DDX52: variants seen among roughly 807,000 people sequenced by gnomAD.
DDX52 encodes the protein probable ATP-dependent RNA helicase DDX52.
Under a neutral mutation model 76.1 loss-of-function variants are expected in DDX52, and 59 were observed. That is an observed-to-expected ratio of 0.78 (90% CI 0.63 to 0.96). The LOEUF is 0.96. Among genes scored for constraint, DDX52 ranks in the 40% least tolerant of loss-of-function variants. The pLI, the probability that DDX52 is intolerant of heterozygous loss-of-function variation, is 0.00. For missense variants in DDX52, 707 were observed against 703.9 expected (o/e 1.00, Z -0.05); for synonymous variants, 231 against 244.1 (o/e 0.95, Z 0.50).
intron 3 of DDX52, among the ~76,000 whole-genome samples, chr17:37,633,050 C>G (rs946998573): frequency 3.9e-5 from 6 of 152,152 alleles, no homozygotes; most frequent in Admixed American, 3.3e-4. Flanking sequence ...AATCTTGAAA[C>G]TTGAGCAGGT....
chr17:37,639,039 T>G (rs1239061977), intron 2 of DDX52, among the ~76,000 whole-genome samples: 2 of 152,042 alleles, frequency 1.3e-5, no homozygotes, highest in African/African-American at 4.8e-5. Context: ...CCCAAAGTGT[T>G]GGGATTACAG....
chr17:37,614,326 C>T lies in DDX52; in HGVS notation c.1770G>A (p.Lys590=), dbSNP rs748486159. 6.2e-6 allele frequency: 10 copies of T among 1,612,602 alleles called. 1 individual carries two copies. The South Asian group carries it at 1.1e-4, about 18-fold the overall frequency. The change falls in exon 15 of 15, where the codon AAG becomes AAA. Residue 590 remains lysine (K), a synonymous_variant. Transcript: ENST00000617633. ...TTTTGTCTTCAAGAGCTACTTTCTT[C>T]TTGCTGTTCTGACCAGTGACCTTTT... is the stretch of plus-strand genomic sequence containing the variant. ...KQKKVTGQNS[K]KKVALEDKS
At chr17:37,615,924 G>C (rs759889517) in intron 14 of DDX52, among the ~76,000 whole-genome samples, 3 of 152,004 alleles carry the variant, frequency 2.0e-5, no homozygotes, top group Admixed American at 6.6e-5. Flanking sequence ...TGAGGCAGGA[G>C]AATCACTTGA....
At chr17:37,619,959 C>T in intron 12 of DDX52, 120 bp from the exon 13 acceptor site, 1 of 921,126 alleles carries the variant, frequency 1.1e-6, no homozygotes, top group Non-Finnish European at 1.7e-6. Flanking sequence ...ACAAAGTGTT[C>T]TGATATATTA....
chr17:37,625,159 A>G (rs1357167439), intron 8 of DDX52, among the ~76,000 whole-genome samples: 6 of 151,558 alleles, frequency 4.0e-5, no homozygotes, highest in Admixed American at 1.3e-4. Flanking sequence ...GCACACACCC[A>G]TTTTTGTATT....
In DDX52 at chr17:37,630,639, GTTTTTTTTTTT is replaced by G. The variant is rs34387906; in HGVS notation, c.604-477_604-467del. Reference sequence around the variant, plus strand: ...GAGACAATTTTCAAAAACTCACTGTGTTTTTTTTTTTTTTTTTTTTGACACAGAGTCTCACT... The same window carrying G: ...GAGACAATTTTCAAAAACTCACTGTGTTTTTTTTTGACACAGAGTCTCACT... On this transcript the variant is annotated intron_variant, in intron 4 of 14. Transcript: ENST00000617633. Among the ~76,000 whole-genome samples the G allele has an allele frequency of 3.9e-5, 5 of 128,572 alleles. No homozygotes were observed. The East Asian group carries it at 1.1e-3, about 28-fold the overall frequency. The allele number at this position is 128,572 out of a possible 152,430, so 84.3% of individuals were successfully genotyped here. A position where few individuals can be genotyped will look rare whatever the true frequency, so the allele number is the denominator to read the frequency against.
intron 1 of DDX52, 111 bp downstream of exon 1, chr17:37,643,223 G>A: frequency 8.6e-7 from 1 of 1,157,288 alleles, no homozygotes; most frequent in Non-Finnish European, 1.2e-6. Flanking sequence ...CAAGGGTGGC[G>A]AGAGCCAGGC....
intron 4 of DDX52, among the ~76,000 whole-genome samples, chr17:37,630,635 CTG>C (rs1454993541): frequency 6.7e-5 from 10 of 148,168 alleles, no homozygotes; most frequent in South Asian, 4.2e-4. Flanking sequence ...CAAAAACTCA[CTG>C]TGTTTTTTTT....
chr17:37,622,894 A>G (rs1352891844), intron 9 of DDX52, among the ~76,000 whole-genome samples: 1 of 152,252 alleles, frequency 6.6e-6, no homozygotes, highest in South Asian at 2.1e-4. Context: ...TGCTTGTACT[A>G]ATGAATTAAT....
At chr17:37,629,013 T>C (rs930558179) in intron 5 of DDX52, among the ~76,000 whole-genome samples, 1 of 151,606 alleles carries the variant, frequency 6.6e-6, no homozygotes, top group African/African-American at 2.4e-5. Context: ...AGGCCAGGAG[T>C]TCCAGACCAG....
At chr17:37,634,487 C>A (rs1205411690) in intron 2 of DDX52, among the ~76,000 whole-genome samples, 3 of 151,424 alleles carry the variant, frequency 2.0e-5, no homozygotes, top group Non-Finnish European at 4.4e-5. Context: ...ACAAATTAGC[C>A]AGGCATGATG....
chr17:37,637,969 CAG>C (rs2031010067), intron 2 of DDX52, among the ~76,000 whole-genome samples: 2 of 152,190 alleles, frequency 1.3e-5, no homozygotes, highest in South Asian at 2.1e-4. Context: ...CAGACAAGAG[CAG>C]AGATTTCAAA....
intron 2 of DDX52, among the ~76,000 whole-genome samples, chr17:37,639,088 CGT>C (rs2031066307): frequency 6.6e-6 from 1 of 151,774 alleles, no homozygotes; most frequent in Non-Finnish European, 1.5e-5. Context: ...TTTAAAAAAA[CGT>C]AATGCGCAGA....
intron 2 of DDX52, among the ~76,000 whole-genome samples, chr17:37,638,341 T>C (rs2031027216): frequency 1.3e-5 from 2 of 152,258 alleles, no homozygotes; most frequent in African/African-American, 4.8e-5. Context: ...TGTAGATCAC[T>C]GTAGGGAGAA....
intron 13 of DDX52, among the ~76,000 whole-genome samples, chr17:37,619,256 G>C (rs1384996368): frequency 1.3e-5 from 2 of 152,132 alleles, no homozygotes; most frequent in African/African-American, 2.4e-5. Context: ...GCGCACACCT[G>C]TAATTCCAGC....
At chr17:37,620,828 T>C (rs1457594427) in intron 12 of DDX52, 45 bp downstream of exon 12, 1 of 1,534,608 alleles carries the variant, frequency 6.5e-7, no homozygotes, top group Non-Finnish European at 8.8e-7. Context: ...ATAAGAATAA[T>C]GAAGCAATTT....
chr17:37,621,304 G>T (rs200499643), intron 10 of DDX52, 27 bp from the exon 11 acceptor site: 40 of 1,593,704 alleles, frequency 2.5e-5, no homozygotes, highest in Non-Finnish European at 3.2e-5. Flanking sequence ...ATATTAAATT[G>T]TTTTAGAATG....
chr17:37,632,089 G>A (rs766941662), intron 4 of DDX52, 24 bp downstream of exon 4: 1 of 1,612,370 alleles, frequency 6.2e-7, no homozygotes, highest in Non-Finnish European at 8.5e-7. Flanking sequence ...GAATGTTACA[G>A]GCATTCTAGA....
At chr17:37,614,427 T>C in intron 14 of DDX52, 74 bp from the exon 15 acceptor site, 1 of 1,424,164 alleles carries the variant, frequency 7.0e-7, no homozygotes, top group Non-Finnish European at 9.6e-7. Flanking sequence ...CTACCACCAG[T>C]TTAATAAACA....
Sources: allele counts gnomAD v4.1 joint callset (sites outside exome capture counted in the v4.1 genomes callset), GRCh38; gene constraint gnomAD v4.1.1; transcripts MANE v1.5; gene names NCBI Gene and HGNC (gene_info 2026-07-23, HGNC 2026-07-21).